KDM3A: variants seen among roughly 807,000 people sequenced by gnomAD.
KDM3A encodes lysine demethylase 3A, also known as lysine-specific demethylase 3A.
In KDM3A, 60 loss-of-function variants were observed where a neutral mutation model predicts 158.0. The ratio of observed to expected loss-of-function variants is 0.38; its 90% CI spans 0.31 to 0.47. The LOEUF is 0.47. KDM3A is among the 20% of genes least tolerant of loss of function. The pLI is 0.99. For synonymous variants in KDM3A, 608 were observed against 549.3 expected (o/e 1.11, Z -1.49); for missense variants, 1,319 against 1,574.3 (o/e 0.84, Z 2.74).
chr2:86,490,958 A>G lies in KDM3A; in HGVS notation c.3651A>G (p.Ser1217=), dbSNP rs1449296279. 3.7e-6 allele frequency: 6 copies of G among 1,613,938 alleles called. No individual in the cohort carries two copies. Among genetic ancestry groups the G allele is most frequent in the African/African-American group, 1.3e-5 (1 of 74,944 alleles). The part of the protein sequence containing the change: ...IHDQSWYLDR[S]LRKRLHQEYG... ...ATCAAAGCTGGTATTTAGACCGATC[A>G]TTAAGAAAACGTCTTCATCAAGAGT... The change falls in exon 24 of 26, where the codon TCA becomes TCG. Residue 1217 remains serine, a synonymous_variant. Coordinates refer to ENST00000312912, the MANE Select transcript of KDM3A (RefSeq NM_018433.6).
chr2:86,440,346 A>C (rs1682627217), upstream of KDM3A, among the ~76,000 whole-genome samples: 1 of 152,220 alleles, frequency 6.6e-6, no homozygotes, highest in Non-Finnish European at 1.5e-5. Context: ...GTTCTTCTTA[A>C]GGATTAAATG....
chr2:86,463,251 A>G (rs1672997534), intron 8 of KDM3A, among the ~76,000 whole-genome samples: 1 of 152,206 alleles, frequency 6.6e-6, no homozygotes, highest in Admixed American at 6.5e-5. Context: ...TTTAAGGTAT[A>G]TAACTTAAAA....
Position 86,466,714 on chromosome 2 carries a change from A to C in KDM3A, c.1350A>C (p.Ser450=). The change falls in exon 10 of 26, where the codon TCA becomes TCC. Residue 450 remains serine, a synonymous_variant. Coordinates refer to ENST00000312912, the MANE Select transcript of KDM3A (RefSeq NM_018433.6). Reference sequence around the variant, plus strand: ...ATGCACCTTCCCCATCGGATGTTTCAAATGCACCAGAAGTGAAAGCAGGTG... The same window carrying C: ...ATGCACCTTCCCCATCGGATGTTTCCAATGCACCAGAAGTGAAAGCAGGTG... The part of the protein sequence containing the change: ...LEHAPSPSDV[S]NAPEVKAGVN... 6.2e-7 allele frequency: 1 copy of C among 1,613,958 alleles called. No individual in the cohort carries two copies. Among genetic ancestry groups the C allele is most frequent in the Non-Finnish European group, 8.5e-7 (1 of 1,179,864 alleles).
chr2:86,448,004 G>T (rs986455954), intron 2 of KDM3A, among the ~76,000 whole-genome samples: 1 of 152,186 alleles, frequency 6.6e-6, no homozygotes, highest in Non-Finnish European at 1.5e-5. Flanking sequence ...AGGAAGATGG[G>T]CAGTCTCTGC....
At position 86,466,678 on chromosome 2, in the gene KDM3A, G is replaced by A; in HGVS notation, c.1314G>A (p.Lys438=). ...TTGCCAATCCTCCTGAACTGCAGAAGCACCTAGAACATGCACCTTCCCCAT... is the reference window on the plus strand; with the variant it reads ...TTGCCAATCCTCCTGAACTGCAGAAACACCTAGAACATGCACCTTCCCCAT... ...LEIANPPELQ[K]HLEHAPSPSD... is the part of the protein sequence containing the mutation. Residue 438 remains lysine, a synonymous_variant, in exon 10 of 26, where the codon AAG becomes AAA. Transcript: ENST00000312912. 1.2e-6 allele frequency: 2 copies of A among 1,613,934 alleles called. No individual in the cohort carries two copies. Among genetic ancestry groups the A allele is most frequent in the Non-Finnish European group, 1.7e-6 (2 of 1,179,862 alleles).
intron 11 of KDM3A, 34 bp from the exon 12 acceptor site, chr2:86,474,742 T>TGTGTAA: frequency 7.4e-5 from 80 of 1,083,004 alleles, no homozygotes; most frequent in Non-Finnish European, 1.0e-4. Context: ...TGTGTGTGTG[T>TGTGTAA]ACATTACATC....
intron 20 of KDM3A, 130 bp from the exon 21 acceptor site, chr2:86,485,599 T>A: frequency 9.6e-7 from 1 of 1,038,378 alleles, no homozygotes. Context: ...TCTTAAATAT[T>A]TGATGGCTGT....
intron 2 of KDM3A, among the ~76,000 whole-genome samples, chr2:86,444,104 T>C (rs1380332687): frequency 1.3e-5 from 2 of 152,230 alleles, no homozygotes; most frequent in Non-Finnish European, 2.9e-5. Flanking sequence ...TTCACATGTA[T>C]ATATTTTTTA....
At chr2:86,456,946 CAG>C in intron 7 of KDM3A, 35 bp from the exon 8 acceptor site, 1 of 1,569,078 alleles carries the variant, frequency 6.4e-7, no homozygotes, top group Non-Finnish European at 8.7e-7. Flanking sequence ...TTAAGAGAAA[CAG>C]GGAAGCCAAC....
intron 2 of KDM3A, among the ~76,000 whole-genome samples, chr2:86,447,456 CTTTT>C (rs150625957): frequency 7.4e-6 from 1 of 134,636 alleles, no homozygotes. Context: ...TAATTCTGCA[CTTTT>C]TTTTTTTTTT....
intron 2 of KDM3A, among the ~76,000 whole-genome samples, chr2:86,448,271 C>G (rs1007906730): frequency 6.6e-6 from 1 of 152,074 alleles, no homozygotes; most frequent in Non-Finnish European, 1.5e-5. Flanking sequence ...TTATTTTTAT[C>G]CTGTAGACTG....
At chr2:86,475,036 T>C (rs1355934322) in intron 12 of KDM3A, 46 bp downstream of exon 12, 2 of 1,503,188 alleles carry the variant, frequency 1.3e-6, no homozygotes, top group Non-Finnish European at 9.2e-7. Context: ...CCAATTTGAT[T>C]TTTGTTCCTA....
At chr2:86,486,836 G>C (rs1296065578) in intron 21 of KDM3A, 1 of 152,332 alleles carries the variant, frequency 6.6e-6, no homozygotes, top group Admixed American at 6.5e-5. Context: ...TTGTGACAGG[G>C]GAGTGTTTTT....
chr2:86,444,390 TTCTG>T (rs1376673191), intron 2 of KDM3A, among the ~76,000 whole-genome samples: 3 of 152,236 alleles, frequency 2.0e-5, no homozygotes, highest in African/African-American at 7.2e-5. Context: ...GATGCCAATC[TTCTG>T]TCTCTTTTCT....
At chr2:86,490,264 CTT>C (rs1471211388) in intron 23 of KDM3A, 2 of 152,474 alleles carry the variant, frequency 1.3e-5, no homozygotes, top group African/African-American at 2.4e-5. Context: ...ACTCAGGTGT[CTT>C]TGGCTGATAT....
At chr2:86,447,079 C>T (rs375002524) in intron 2 of KDM3A, among the ~76,000 whole-genome samples, 8 of 152,188 alleles carry the variant, frequency 5.3e-5, no homozygotes, top group East Asian at 3.9e-4. Context: ...CCCAAAGTGC[C>T]GGGATTACAG....
intron 8 of KDM3A, among the ~76,000 whole-genome samples, chr2:86,463,611 T>C (rs1673012373): frequency 6.6e-6 from 1 of 152,232 alleles, no homozygotes. Flanking sequence ...TAGGCATCCC[T>C]GCCTACAAGA....
At chr2:86,486,269 C>G (rs1261209017) in intron 21 of KDM3A, among the ~76,000 whole-genome samples, 3 of 152,192 alleles carry the variant, frequency 2.0e-5, no homozygotes, top group South Asian at 4.1e-4. Context: ...ATGCAGTGTT[C>G]TGTGTTGTTG....
rs781645903 is a variant in KDM3A, at chr2:86,474,807, G to A, written c.1756G>A (p.Val586Ile). The A allele has an allele frequency of 1.2e-5, 20 of 1,606,386 alleles. No homozygotes were observed. Among genetic ancestry groups the A allele is most frequent in the Admixed American group, 3.3e-5 (2 of 59,710 alleles). ...ATTCAACAAACATGGTGTGTTGCGG[G>A]TAGAAGGCTTCTTAACACCAAACAA... ...LQFNKHGVLR[V>I]EGFLTPNKYD... The change falls in exon 12 of 26, where the codon GTA (valine) becomes ATA (isoleucine). Residue 586 changes from valine (V) to isoleucine (I), a missense_variant. Transcript: ENST00000312912.
Sources: gnomAD v4.1 joint callset for allele counts (sites outside exome capture counted in the v4.1 genomes callset) on GRCh38, gnomAD v4.1.1 for gene constraint, MANE v1.5 for transcripts, NCBI Gene and HGNC (gene_info 2026-07-23, HGNC 2026-07-21) for gene names.